HK1: variants seen among roughly 807,000 people sequenced by gnomAD.
HK1 encodes the protein hexokinase 1, also known as hexokinase-1.
Under a neutral mutation model 91.6 loss-of-function variants are expected in HK1, and 28 were observed. The observed-to-expected ratio is 0.31, with a 90% CI of 0.23 to 0.42. HK1 has a LOEUF of 0.42. HK1 is among the 10% of genes least tolerant of loss of function. HK1 has a pLI of 1.00. For missense variants in HK1, 770 were observed against 1,219.8 expected (o/e 0.63, Z 5.49); for synonymous variants, 430 against 468.1 (o/e 0.92, Z 1.05).
intron 7 of HK1, among the ~76,000 whole-genome samples, chr10:69,373,438 C>G (rs1026711350): frequency 1.2e-4 from 18 of 152,312 alleles, no homozygotes; most frequent in Middle Eastern, 3.4e-3. Context: ...GCCAGAAGGT[C>G]TGTTTCTAAA....
At chr10:69,314,427 A>G (rs1317119107), upstream of HK1, among the ~76,000 whole-genome samples, 1 of 152,178 alleles carries the variant, frequency 6.6e-6, no homozygotes, top group Non-Finnish European at 1.5e-5. Context: ...TAGAAATGCT[A>G]GGTTGGGATC....
Position 69,319,091 on chromosome 10 carries a change from T to A in HK1, c.63+81T>A, listed in dbSNP as rs1479610101. On this transcript the variant is annotated intron_variant, in intron 1 of 17. Coordinates refer to ENST00000359426, the MANE Select transcript of HK1 (RefSeq NM_000188.3). ...CCGCTCGCCGCCTCCGCTGCCTCCATCCTCCGGCGCCCGGCCTTCTCCGGG... is the reference window on the plus strand; with the variant it reads ...CCGCTCGCCGCCTCCGCTGCCTCCAACCTCCGGCGCCCGGCCTTCTCCGGG... The A allele has an allele frequency of 4.0e-6, 6 of 1,490,500 alleles. No homozygotes were observed. In the Admixed American group the frequency reaches 7.8e-5, roughly 19 times the overall value. The allele number at this position is 1,490,500 out of a possible 1,614,324, so 92.3% of individuals were successfully genotyped here. A position where few individuals can be genotyped will look rare whatever the true frequency, so the allele number is the denominator to read the frequency against.
chr10:69,294,051 C>T (rs376485574), intron 3 of HK1, among the ~76,000 whole-genome samples: 10 of 151,734 alleles, frequency 6.6e-5, no homozygotes, highest in Admixed American at 3.9e-4. Context: ...TTAGTAGAGA[C>T]GGGGTTTCAC....
At position 69,369,438 on chromosome 10, in the gene HK1, C is replaced by T. The variant is rs41279656; in HGVS notation, c.692-3C>T. The T allele has an allele frequency of 0.021, 33,600 of 1,614,178 alleles. 785 individuals carry two copies. Among genetic ancestry groups the T allele is most frequent in the East Asian group, 0.11 (5,024 of 44,870 alleles). The stretch of plus-strand genomic sequence containing the variant: ...TCATAGCTTCTGATCTTGTCCTGCC[C>T]AGGCACTGGCACCAATGCTTGCTAC... On this transcript the variant is annotated splice_polypyrimidine_tract_variant and splice_region_variant and intron_variant, in intron 6 of 17. Coordinates refer to ENST00000359426, the MANE Select transcript of HK1 (RefSeq NM_000188.3). This position sits in a 1 kb window ranked among gnomAD's most constrained non-coding sequence, Gnocchi z 4.4.
chr10:69,339,926 T>G (rs1164028246), intron 1 of HK1, among the ~76,000 whole-genome samples: 1 of 152,234 alleles, frequency 6.6e-6, no homozygotes, highest in Non-Finnish European at 1.5e-5. Flanking sequence ...TCTGTGTCTG[T>G]AAAATGGGGA....
chr10:69,294,689 C>T (rs1337236988), intron 3 of HK1, among the ~76,000 whole-genome samples: 1 of 100,926 alleles, frequency 9.9e-6, no homozygotes, highest in Non-Finnish European at 2.1e-5. Context: ...AATCCCATCT[C>T]TACTAAAAAT....
At chr10:69,396,751 G>T (rs1003468072) in intron 16 of HK1, among the ~76,000 whole-genome samples, 1 of 152,076 alleles carries the variant, frequency 6.6e-6, no homozygotes, top group Non-Finnish European at 1.5e-5. Context: ...GTGCAAACTT[G>T]GCTCGCCATA....
At chr10:69,273,684 G>A (rs557961036) in intron 1 of HK1, among the ~76,000 whole-genome samples, 11 of 152,340 alleles carry the variant, frequency 7.2e-5, no homozygotes, top group African/African-American at 2.6e-4. Context: ...TAGTCTTCAA[G>A]TTCAGTGACA....
At chr10:69,393,208 C>T (rs1225406607) in intron 15 of HK1, among the ~76,000 whole-genome samples, 1 of 151,938 alleles carries the variant, frequency 6.6e-6, no homozygotes, top group Middle Eastern at 3.4e-3. Context: ...CTTGAACTCC[C>T]GACCTCAGGT....
chr10:69,311,926 C>A (rs112159012), upstream of HK1, among the ~76,000 whole-genome samples: 2 of 151,736 alleles, frequency 1.3e-5, no homozygotes, highest in South Asian at 2.1e-4. Context: ...TGAGCCACCG[C>A]GCTCGGCCCA....
intron 7 of HK1, among the ~76,000 whole-genome samples, chr10:69,375,534 T>C (rs1328405655): frequency 3.3e-5 from 5 of 152,112 alleles, no homozygotes; most frequent in Non-Finnish European, 7.4e-5. Context: ...GCAGGAACAA[T>C]GAGGACTGTG....
chr10:69,364,831 A>C lies in HK1; in HGVS notation c.424A>C (p.Lys142Gln). The change falls in exon 4 of 18, where the codon AAG (lysine) becomes CAG (glutamine). Residue 142 changes from lysine to glutamine, a missense_variant. Lys to Gln is a moderately conservative substitution (Grantham distance 53). This residue lies in a region of HK1 where 449 missense variants were observed against 665.1 expected (regional missense o/e 0.68). Transcript: ENST00000359426. Reference protein sequence around the residue: ...ECLGDFMEKRKIKDKKLPVGF... With the variant: ...ECLGDFMEKRQIKDKKLPVGF... ...CCTGGGAGATTTCATGGAGAAAAGG[A>C]AGATCAAGGACAAGAAGTTACCTGT... 6.2e-7 allele frequency: 1 copy of C among 1,614,138 alleles called. No homozygotes were observed.
chr10:69,293,855 CTTTTTTTTTTTTTT>C (rs34434447), intron 3 of HK1, among the ~76,000 whole-genome samples: 11 of 98,972 alleles, frequency 1.1e-4, no homozygotes, highest in African/African-American at 3.2e-4. Context: ...ATATTTCTTT[CTTTTTTTTTTTTTT>C]TTTTTTTTTT....
chr10:69,271,151 A>G (rs888033543), intron 1 of HK1: 1 of 152,168 alleles, frequency 6.6e-6, no homozygotes, highest in African/African-American at 2.4e-5. Flanking sequence ...CTGTAATACA[A>G]CATGGTAAAC....
chr10:69,338,744 AGTGT>A (rs1389086172), intron 1 of HK1: 20 of 1,216,596 alleles, frequency 1.6e-5, no homozygotes, highest in Non-Finnish European at 2.0e-5. Context: ...AGTGTGTGAG[AGTGT>A]GTGTGTGTGA....
intron 1 of HK1, among the ~76,000 whole-genome samples, chr10:69,342,158 C>T (rs964030623): frequency 7.5e-6 from 1 of 133,084 alleles, no homozygotes; most frequent in South Asian, 2.3e-4. Context: ...AAAAACCAAC[C>T]CCAAAAACAA....
chr10:69,290,424 C>A (rs1027897589), intron 3 of HK1, among the ~76,000 whole-genome samples: 1 of 152,210 alleles, frequency 6.6e-6, no homozygotes, highest in South Asian at 2.1e-4. Context: ...CCCTCTTCAG[C>A]TTCTTTGAGA....
chr10:69,373,032 G>C (rs1221259406), intron 7 of HK1, among the ~76,000 whole-genome samples: 1 of 152,070 alleles, frequency 6.6e-6, no homozygotes, highest in Non-Finnish European at 1.5e-5. Context: ...GCCACGCCCA[G>C]CTAATTTTGT....
rs186510480 is a variant in HK1, at chr10:69,301,449, C to G, written c.27+588C>G. Among the ~76,000 whole-genome samples, 362 of 150,476 alleles carry G rather than the reference C, an allele frequency of 2.4e-3. 3 individuals carry two copies. The highest frequency in any genetic ancestry group is 8.5e-3 in the African/African-American group (349 of 41,002). ...ACTAGCCAGTTGTGGTGGCACACACCTGTAATCCCAGCTACTCGGGAGGCT... is the reference window on the plus strand; with the variant it reads ...ACTAGCCAGTTGTGGTGGCACACACGTGTAATCCCAGCTACTCGGGAGGCT... On this transcript the variant is annotated intron_variant, in intron 5 of 21. Transcript: ENST00000360289.
Sources: gnomAD v4.1 joint callset for allele counts (sites outside exome capture counted in the v4.1 genomes callset) on GRCh38, gnomAD v4.1.1 for gene constraint, gnomAD v4.1.1 regional missense constraint, Gnocchi (gnomAD v3.1) non-coding constraint, MANE v1.5 for transcripts, NCBI Gene and HGNC (gene_info 2026-07-23, HGNC 2026-07-21) for gene names.